MS4A5: variants seen among roughly 807,000 people sequenced by gnomAD.
The protein encoded by MS4A5 is membrane spanning 4-domains A5, also known as membrane-spanning 4-domains subfamily A member 5.
A neutral mutation model predicts 18.2 loss-of-function variants in MS4A5; 15 were observed. The observed-to-expected ratio is 0.83, with a 90% CI of 0.55 to 1.27. The LOEUF is 1.27. Among genes scored for constraint, MS4A5 ranks in the 50% most tolerant of loss-of-function variants. The pLI is 0.00. For synonymous variants in MS4A5, 89 were observed against 78.7 expected (o/e 1.13, Z -0.69); for missense variants, 232 against 225.7 (o/e 1.03, Z -0.18).
intron 4 of MS4A5, among the ~76,000 whole-genome samples, chr11:60,437,970 A>G (rs562917700): frequency 8.5e-4 from 129 of 152,170 alleles, no homozygotes; most frequent in African/African-American, 3.0e-3. Context: ...CAGAATATAC[A>G]TTTTTTTCAG....
chr11:60,443,182 A>G (rs2086122883), intron 4 of MS4A5, among the ~76,000 whole-genome samples: 1 of 152,210 alleles, frequency 6.6e-6, no homozygotes, highest in Non-Finnish European at 1.5e-5. Flanking sequence ...AAGTGAAATA[A>G]AAACAACTGA....
chr11:60,442,221 A>G (rs1457963444), intron 4 of MS4A5, among the ~76,000 whole-genome samples: 1 of 152,244 alleles, frequency 6.6e-6, no homozygotes. Context: ...TTTATCATGT[A>G]TAACATATTT....
intron 4 of MS4A5, among the ~76,000 whole-genome samples, chr11:60,441,293 G>T (rs1324138351): frequency 8.1e-6 from 1 of 124,132 alleles, no homozygotes; most frequent in Non-Finnish European, 1.7e-5. Context: ...GGAGGGAGGG[G>T]GGGAGGGATA....
At chr11:60,438,345 A>C (rs1354822521) in intron 4 of MS4A5, among the ~76,000 whole-genome samples, 1 of 152,206 alleles carries the variant, frequency 6.6e-6, no homozygotes, top group African/African-American at 2.4e-5. Context: ...TTGACACCCT[A>C]ACATCACAAT....
intron 2 of MS4A5, among the ~76,000 whole-genome samples, chr11:60,432,138 AG>A (rs1187309946): frequency 6.6e-6 from 1 of 152,226 alleles, no homozygotes; most frequent in Non-Finnish European, 1.5e-5. Flanking sequence ...AGCTATAAAA[AG>A]AACATGGATG....
chr11:60,435,639 G>T (rs1202425335), intron 4 of MS4A5: 1 of 239,160 alleles, frequency 4.2e-6, no homozygotes, highest in Non-Finnish European at 8.3e-6. Flanking sequence ...GGGTCAGGGA[G>T]TTCCCTTTCT....
At chr11:60,440,935 C>T (rs2086108101) in intron 4 of MS4A5, among the ~76,000 whole-genome samples, 1 of 112,010 alleles carries the variant, frequency 8.9e-6, no homozygotes, top group Non-Finnish European at 1.8e-5. Context: ...GGGTATATAC[C>T]CAAAGGACTA....
intron 4 of MS4A5, among the ~76,000 whole-genome samples, chr11:60,447,108 AGCTATCCTAT>A (rs1230030082): frequency 1.4e-5 from 2 of 139,732 alleles, no homozygotes; most frequent in East Asian, 2.1e-4. Context: ...ATGCTATGTT[AGCTATCCTAT>A]GCTATCCTAT....
At chr11:60,435,294 G>T in intron 4 of MS4A5, 1 of 417,550 alleles carries the variant, frequency 2.4e-6, no homozygotes, top group Non-Finnish European at 4.6e-6. Flanking sequence ...ATAAGACAAT[G>T]CGAATAACAA....
intron 4 of MS4A5, among the ~76,000 whole-genome samples, chr11:60,446,841 T>C (rs1268237923): frequency 6.6e-6 from 1 of 151,842 alleles, no homozygotes; most frequent in Non-Finnish European, 1.5e-5. Flanking sequence ...GTTTTCTTTT[T>C]TCCCTCTTTT....
chr11:60,446,049 C>A (rs941554383), intron 4 of MS4A5, among the ~76,000 whole-genome samples: 1 of 152,042 alleles, frequency 6.6e-6, no homozygotes, highest in South Asian at 2.1e-4. Flanking sequence ...ATATGTACAA[C>A]AATGCTATTG....
chr11:60,442,512 G>A (rs977007080), intron 4 of MS4A5, among the ~76,000 whole-genome samples: 1 of 151,604 alleles, frequency 6.6e-6, no homozygotes, highest in Non-Finnish European at 1.5e-5. Context: ...ACAAGGGGAG[G>A]GAGAGCTTTA....
chr11:60,432,178 A>C (rs560133719), intron 2 of MS4A5, among the ~76,000 whole-genome samples: 79 of 152,344 alleles, frequency 5.2e-4, no homozygotes, highest in South Asian at 6.2e-4. Flanking sequence ...ACGGTTAAAA[A>C]AAATGTTCAT....
intron 4 of MS4A5, among the ~76,000 whole-genome samples, chr11:60,445,446 G>A (rs2086133730): frequency 6.6e-6 from 1 of 152,064 alleles, no homozygotes; most frequent in Admixed American, 6.6e-5. Flanking sequence ...TTTTAGTAAA[G>A]ATGGGGTTTC....
chr11:60,437,584 C>G (rs1195971155), intron 4 of MS4A5, among the ~76,000 whole-genome samples: 1 of 151,786 alleles, frequency 6.6e-6, no homozygotes, highest in Non-Finnish European at 1.5e-5. Flanking sequence ...GAAGTTCTAC[C>G]AAGCAAATGG....
chr11:60,432,212 AAGG>A (rs1415394810), intron 2 of MS4A5, among the ~76,000 whole-genome samples, 196 bp from the exon 3 acceptor site: 1 of 152,230 alleles, frequency 6.6e-6, no homozygotes, highest in Non-Finnish European at 1.5e-5. Flanking sequence ...GTTAGGGCTA[AAGG>A]AGATTTCCAG....
At chr11:60,446,516 A>G (rs139692143) in intron 4 of MS4A5, among the ~76,000 whole-genome samples, 2,927 of 152,298 alleles carry the variant, frequency 0.019, 104 homozygotes, top group African/African-American at 0.067. Flanking sequence ...AGGTGGGCAG[A>G]TCACCTGAAG....
intron 3 of MS4A5, 73 bp downstream of exon 3, chr11:60,432,540 C>A (rs905314661): frequency 4.1e-6 from 4 of 985,196 alleles, no homozygotes; most frequent in South Asian, 1.5e-5. Context: ...GTAATCCCAG[C>A]ACTTTGGGAG....
Position 60,429,769 on chromosome 11 carries a change from C to T in MS4A5, c.95C>T (p.Thr32Ile), listed in dbSNP as rs2086038512. The T allele has an allele frequency of 2.5e-6, 4 of 1,613,948 alleles. No individual in the cohort carries two copies. The highest frequency in any genetic ancestry group is 2.5e-6 in the Non-Finnish European group (3 of 1,180,030). ...EYESTELSAT[T>I]FSTQSPLQKL... ...GAGTCCACAGAACTTTCAGCCACGA[C>T]CTTTTCAACTCAAAGCCCCTTGCAA... The change falls in exon 1 of 5, where the codon ACC becomes ATC. Residue 32 changes from threonine to isoleucine, a missense_variant. By Grantham distance (89) the Thr-to-Ile change is moderately conservative. Transcript: ENST00000300190.
Sources: allele counts gnomAD v4.1 joint callset (sites outside exome capture counted in the v4.1 genomes callset), GRCh38; gene constraint gnomAD v4.1.1; transcripts MANE v1.5; gene names NCBI Gene and HGNC (gene_info 2026-07-23, HGNC 2026-07-21).